PTDSS1: variants seen among roughly 807,000 people sequenced by gnomAD.
PTDSS1 encodes the protein PSS-1.
Under a neutral mutation model 70.5 loss-of-function variants are expected in PTDSS1, and 45 were observed. The observed-to-expected ratio is 0.64, with a 90% CI of 0.50 to 0.82. The LOEUF is 0.82. PTDSS1 is among the 40% of genes least tolerant of loss of function. The pLI is 0.00. For synonymous variants in PTDSS1, 188 were observed against 203.8 expected, an observed-to-expected ratio of 0.92 and a Z score of 0.66; for missense variants, 417 against 586.1, an observed-to-expected ratio of 0.71 and a Z score of 2.98.
chr8:96,273,213 G>A, intron 1 of PTDSS1, 86 bp from the exon 2 acceptor site: 1 of 969,214 alleles, frequency 1.0e-6, no homozygotes, highest in Non-Finnish European at 1.5e-6. Flanking sequence ...CAGTCCCCCA[G>A]TTTTTAGAAC....
At chr8:96,332,888 G>A (rs1811537717) in intron 12 of PTDSS1, among the ~76,000 whole-genome samples, 1 of 152,210 alleles carries the variant, frequency 6.6e-6, no homozygotes, top group African/African-American at 2.4e-5. Context: ...GGCAGGGGCT[G>A]AACAAAGGCT....
chr8:96,320,947 A>G (rs1811365655), intron 10 of PTDSS1, among the ~76,000 whole-genome samples: 1 of 152,272 alleles, frequency 6.6e-6, no homozygotes, highest in Non-Finnish European at 1.5e-5. Context: ...GAAGTAAGAT[A>G]GTACCCACTT....
chr8:96,262,272 G>T lies in PTDSS1; in HGVS notation c.179+53G>T. 6.5e-7 allele frequency: 1 copy of T among 1,537,542 alleles called. No homozygotes were observed. Among genetic ancestry groups the T allele is most frequent in the South Asian group, 1.1e-5 (1 of 87,172 alleles). On this transcript the variant is annotated intron_variant, in intron 1 of 12. Coordinates refer to ENST00000517309, the MANE Select transcript of PTDSS1 (RefSeq NM_014754.3). This position sits in a 1 kb window ranked among gnomAD's most constrained non-coding sequence, Gnocchi z 4.4. ...GCGTCCAAGGGCTAGGGAAGAGGCG[G>T]GAGGGAGGGTGGCGGGGAGGGGGGC...
chr8:96,330,374 G>A (rs1286621048), intron 11 of PTDSS1, 93 bp downstream of exon 11: 23 of 1,270,998 alleles, frequency 1.8e-5, no homozygotes, highest in African/African-American at 1.3e-4. Flanking sequence ...AGGATATGGC[G>A]AGGTAAACAC....
intron 4 of PTDSS1, among the ~76,000 whole-genome samples, chr8:96,289,959 C>G (rs868268896): frequency 6.6e-6 from 1 of 151,964 alleles, no homozygotes; most frequent in Non-Finnish European, 1.5e-5. Context: ...ATGCAGATGA[C>G]GGTTATGAGA....
rs777110747 is a variant in PTDSS1, at chr8:96,333,637, C to A, written c.*71C>A. The A allele has an allele frequency of 6.9e-6, 10 of 1,453,336 alleles. No individual in the cohort carries two copies. The highest frequency in any genetic ancestry group is 9.7e-6 in the Non-Finnish European group (10 of 1,034,492). The allele number at this position is 1,453,336 out of a possible 1,614,324, so 90.0% of individuals were successfully genotyped here. On this transcript the variant is annotated 3_prime_UTR_variant, in exon 13 of 13. Transcript: ENST00000517309. ...AGGGAAATGGAACTCATTTGGAACT[C>A]CCCGTGAGGAGGTCGAGGCGCACAG... is the stretch of plus-strand genomic sequence containing the variant.
At chr8:96,296,137 T>A (rs1036506415) in intron 5 of PTDSS1, among the ~76,000 whole-genome samples, 3 of 135,958 alleles carry the variant, frequency 2.2e-5, no homozygotes, top group African/African-American at 8.2e-5. Flanking sequence ...GTGTTCTTTT[T>A]TTTTTTTTTT....
At chr8:96,274,248 A>G (rs935445864) in intron 2 of PTDSS1, among the ~76,000 whole-genome samples, 2 of 152,032 alleles carry the variant, frequency 1.3e-5, no homozygotes, top group African/African-American at 4.8e-5. Flanking sequence ...TCATGCTTTA[A>G]GATGCATTTC....
chr8:96,306,773 A>G (rs1039456044), intron 8 of PTDSS1, among the ~76,000 whole-genome samples: 2 of 152,240 alleles, frequency 1.3e-5, no homozygotes, highest in Non-Finnish European at 2.9e-5. Flanking sequence ...ACACCACACC[A>G]ATAGTACTAT....
chr8:96,291,902 G>C (rs1272152140), intron 4 of PTDSS1, among the ~76,000 whole-genome samples: 3 of 152,124 alleles, frequency 2.0e-5, no homozygotes, highest in Non-Finnish European at 2.9e-5. Context: ...TTTTTATAAT[G>C]TTAAGATTGG....
chr8:96,289,092 G>A (rs1360074396), intron 4 of PTDSS1, among the ~76,000 whole-genome samples: 3 of 151,472 alleles, frequency 2.0e-5, no homozygotes, highest in African/African-American at 4.9e-5. Context: ...CTGCCACTAC[G>A]CCTGGCTAAT....
intron 5 of PTDSS1, among the ~76,000 whole-genome samples, chr8:96,297,987 G>T (rs79232355): frequency 6.6e-6 from 1 of 152,182 alleles, no homozygotes; most frequent in Non-Finnish European, 1.5e-5. Context: ...CCAGAACCTG[G>T]TACCTTCCAG....
chr8:96,291,035 T>C (rs1810895664), intron 4 of PTDSS1, among the ~76,000 whole-genome samples: 1 of 151,862 alleles, frequency 6.6e-6, no homozygotes, highest in Non-Finnish European at 1.5e-5. Flanking sequence ...AAAATATTGA[T>C]TCTATTCAAA....
chr8:96,303,482 T>A (rs548149004), intron 6 of PTDSS1, among the ~76,000 whole-genome samples: 262 of 152,304 alleles, frequency 1.7e-3, no homozygotes, highest in Non-Finnish European at 2.9e-3. Flanking sequence ...TAGTATTTAT[T>A]ATACCTTGGG....
chr8:96,277,365 G>A (rs1163939190), intron 2 of PTDSS1, among the ~76,000 whole-genome samples: 20 of 152,216 alleles, frequency 1.3e-4, no homozygotes, highest in African/African-American at 4.1e-4. Context: ...CCTGAGGTGC[G>A]TGGCCTCCCC....
At chr8:96,328,136 G>T (rs1325678264) in intron 10 of PTDSS1, among the ~76,000 whole-genome samples, 2 of 152,130 alleles carry the variant, frequency 1.3e-5, no homozygotes, top group East Asian at 1.9e-4. Flanking sequence ...TTGGGCCTGG[G>T]GCTGGGGAAG....
intron 3 of PTDSS1, among the ~76,000 whole-genome samples, chr8:96,284,517 A>G (rs1050726240): frequency 6.6e-6 from 1 of 152,216 alleles, no homozygotes; most frequent in Non-Finnish European, 1.5e-5. Context: ...TCTTGTGAGC[A>G]TCTGGAAGGG....
chr8:96,330,456 C>T, intron 11 of PTDSS1, 175 bp downstream of exon 11: 2 of 631,028 alleles, frequency 3.2e-6, no homozygotes, highest in South Asian at 1.9e-5. Flanking sequence ...CATTGCTGGC[C>T]CTGCTTGTGA....
At chr8:96,263,452 T>G (rs1810441412) in intron 1 of PTDSS1, among the ~76,000 whole-genome samples, 1 of 152,220 alleles carries the variant, frequency 6.6e-6, no homozygotes, top group Admixed American at 6.5e-5. Flanking sequence ...TTAAGTTGCA[T>G]AACCTTGCTC....
Sources: allele counts gnomAD v4.1 joint callset (sites outside exome capture counted in the v4.1 genomes callset), GRCh38; gene constraint gnomAD v4.1.1; non-coding constraint Gnocchi (gnomAD v3.1); transcripts MANE v1.5; gene names NCBI Gene and HGNC (gene_info 2026-07-23, HGNC 2026-07-21).